The following TMEM196 variants were observed in gnomAD, a reference collection of about 807,000 sequenced individuals.
TMEM196 encodes the protein transmembrane protein 196.
In TMEM196, 17 loss-of-function variants were observed where a neutral mutation model predicts 20.0. The ratio of observed to expected loss-of-function variants is 0.85; its 90% CI spans 0.58 to 1.27. The LOEUF (loss-of-function observed/expected upper bound fraction) is 1.27, where lower values mean the gene tolerates loss of function less well. Among genes scored for constraint, TMEM196 ranks in the 50% most tolerant of loss-of-function variants. The pLI, the probability that TMEM196 is intolerant of heterozygous loss-of-function variation, is 0.00. For synonymous variants in TMEM196, 113 were observed against 88.9 expected (o/e 1.27, Z -1.52); for missense variants, 267 against 223.0 (o/e 1.20, Z -1.26).
chr7:19,746,704 T>C (rs1416300442), intron 1 of TMEM196, among the ~76,000 whole-genome samples: 2 of 152,230 alleles, frequency 1.3e-5, no homozygotes, highest in East Asian at 1.9e-4. Flanking sequence ...CAGATAACTC[T>C]TTATGGTTTG....
intron 1 of TMEM196, 145 bp from the exon 2 acceptor site, chr7:19,729,583 A>T: frequency 1.4e-6 from 1 of 703,592 alleles, no homozygotes; most frequent in South Asian, 2.1e-5. Flanking sequence ...ATAAGATCTC[A>T]TTCTAGAATA....
chr7:19,759,247 A>C (rs61178120), intron 1 of TMEM196, among the ~76,000 whole-genome samples: 10,275 of 152,214 alleles, frequency 0.068, 950 homozygotes, highest in African/African-American at 0.2. Flanking sequence ...TTGCAAAAGC[A>C]AACAATGACA....
Position 19,721,868 on chromosome 7 carries a change from A to G in TMEM196, c.*260T>C, listed in dbSNP as rs1056990524. On this transcript the variant is annotated 3_prime_UTR_variant, in exon 5 of 5. Transcript: ENST00000405844. Reference sequence around the variant, plus strand: ...ACAATCTGGAAAGCCTCTTGAAATTATTGTACTAGAATGTTTCTGGAAAGT... The same window carrying G: ...ACAATCTGGAAAGCCTCTTGAAATTGTTGTACTAGAATGTTTCTGGAAAGT... 1 of 484,840 alleles carries G rather than the reference A, an allele frequency of 2.1e-6. No individual in the cohort carries two copies. Among genetic ancestry groups the G allele is most frequent in the Non-Finnish European group, 3.6e-6 (1 of 277,900 alleles). The allele number at this position is 484,840 out of a possible 1,614,324, so 30.0% of individuals were successfully genotyped here.
At chr7:19,759,910 C>A (rs1785368096) in intron 1 of TMEM196, among the ~76,000 whole-genome samples, 1 of 152,118 alleles carries the variant, frequency 6.6e-6, no homozygotes, top group Non-Finnish European at 1.5e-5. Flanking sequence ...CCTAATTACA[C>A]CTGTGACTTC....
At chr7:19,742,371 G>A (rs926253800) in intron 1 of TMEM196, among the ~76,000 whole-genome samples, 5 of 151,982 alleles carry the variant, frequency 3.3e-5, no homozygotes, top group South Asian at 2.1e-4. Flanking sequence ...TGTCCTTTCC[G>A]AGGAAAAAGA....
intron 1 of TMEM196, among the ~76,000 whole-genome samples, chr7:19,746,034 C>T (rs190749293): frequency 6.6e-6 from 1 of 152,206 alleles, no homozygotes; most frequent in East Asian, 1.9e-4. Flanking sequence ...GCAGGACATG[C>T]ACATTCATAG....
At chr7:19,769,098 T>C (rs1785755930) in intron 1 of TMEM196, among the ~76,000 whole-genome samples, 1 of 152,136 alleles carries the variant, frequency 6.6e-6, no homozygotes, top group Non-Finnish European at 1.5e-5. Context: ...CTTATAGTAA[T>C]GATATTAATG....
chr7:19,745,783 C>G (rs947139662), intron 1 of TMEM196, among the ~76,000 whole-genome samples: 1 of 149,246 alleles, frequency 6.7e-6, no homozygotes, highest in African/African-American at 2.5e-5. Flanking sequence ...GGACATCAAA[C>G]CTTAGGAGAC....
At chr7:19,760,130 C>T (rs369932332) in intron 1 of TMEM196, among the ~76,000 whole-genome samples, 4 of 152,198 alleles carry the variant, frequency 2.6e-5, no homozygotes, top group African/African-American at 7.2e-5. Context: ...GGTCATACTT[C>T]AGTCACCCTG....
intron 1 of TMEM196, among the ~76,000 whole-genome samples, chr7:19,768,173 A>C (rs565964930): frequency 6.6e-6 from 1 of 152,156 alleles, no homozygotes; most frequent in Non-Finnish European, 1.5e-5. Flanking sequence ...ACCTGTAAAC[A>C]TTAAATGATT....
At position 19,743,104 on chromosome 7, in the gene TMEM196, T is replaced by C. The variant is rs902350224; in HGVS notation, c.148-13666A>G. Among the ~76,000 whole-genome samples, 10 of 152,162 alleles carry C rather than the reference T, an allele frequency of 6.6e-5. No homozygotes were observed. In the South Asian group the frequency reaches 1.7e-3, roughly 25 times the overall value. Reference sequence around the variant, plus strand: ...TGGGAAGTTTTGTGTAGTTTGTCTTTGAGAGGCTCATTTCCCCCATCAAAG... The same window carrying C: ...TGGGAAGTTTTGTGTAGTTTGTCTTCGAGAGGCTCATTTCCCCCATCAAAG... On this transcript the variant is annotated intron_variant, in intron 1 of 4. Coordinates refer to ENST00000405844, the MANE Select transcript of TMEM196 (RefSeq NM_001363562.2).
At chr7:19,740,695 A>G (rs1784552806) in intron 1 of TMEM196, among the ~76,000 whole-genome samples, 1 of 152,078 alleles carries the variant, frequency 6.6e-6, no homozygotes, top group Non-Finnish European at 1.5e-5. Context: ...GAGCTCTGCT[A>G]GCGTTTTTTC....
At chr7:19,762,504 A>G (rs528380954) in intron 1 of TMEM196, among the ~76,000 whole-genome samples, 2 of 152,242 alleles carry the variant, frequency 1.3e-5, no homozygotes, top group East Asian at 1.9e-4. Context: ...TAACAATTTA[A>G]TAAGTGTATT....
intron 1 of TMEM196, among the ~76,000 whole-genome samples, chr7:19,730,315 C>G (rs60843892): frequency 6.6e-6 from 1 of 151,516 alleles, no homozygotes; most frequent in African/African-American, 2.4e-5. Flanking sequence ...CATATTATTT[C>G]TTGTAAATAA....
rs774212899 is a variant in TMEM196, at chr7:19,722,070, A to G, written c.*58T>C. 3 of 1,607,968 alleles carry G rather than the reference A, an allele frequency of 1.9e-6. No homozygotes were observed. The highest frequency in any genetic ancestry group is 2.5e-6 in the Non-Finnish European group (3 of 1,176,758). On this transcript the variant is annotated 3_prime_UTR_variant, in exon 5 of 5. Transcript: ENST00000405844. ...TAAAAAGTGTTCAATTCTTTAAAAC[A>G]TTGATTACACTCTTCCATTAAATAT...
At position 19,741,280 on chromosome 7, in the gene TMEM196, G is replaced by A. The variant is rs534852161; in HGVS notation, c.148-11842C>T. 3.4e-4 allele frequency among the ~76,000 whole-genome samples: 52 copies of A among 152,214 alleles called. 2 individuals carry two copies. The South Asian group carries it at 0.011, about 31-fold the overall frequency. ...ACAGATCATCTACTTGTTATATCCA[G>A]CTTTGCCATAGCCTCTCTGACAAAG... On this transcript the variant is annotated intron_variant, in intron 1 of 4. Transcript: ENST00000405844.
chr7:19,730,673 T>C (rs1221430438), intron 1 of TMEM196, among the ~76,000 whole-genome samples: 3 of 152,166 alleles, frequency 2.0e-5, no homozygotes, highest in Admixed American at 6.5e-5. Flanking sequence ...TATTTCCAAA[T>C]ACATATCAAA....
At chr7:19,753,742 A>T (rs918585765) in intron 1 of TMEM196, among the ~76,000 whole-genome samples, 2 of 152,164 alleles carry the variant, frequency 1.3e-5, no homozygotes, top group Non-Finnish European at 2.9e-5. Context: ...CTATAGTCTA[A>T]TACTCAGGTT....
chr7:19,754,071 A>G (rs746105592), intron 1 of TMEM196, among the ~76,000 whole-genome samples: 10 of 152,236 alleles, frequency 6.6e-5, no homozygotes, highest in Non-Finnish European at 8.8e-5. Context: ...GTGATAAGGA[A>G]TGACTACTCT....
Sources: gnomAD v4.1 joint callset for allele counts (sites outside exome capture counted in the v4.1 genomes callset) on GRCh38, gnomAD v4.1.1 for gene constraint, MANE v1.5 for transcripts, NCBI Gene and HGNC (gene_info 2026-07-23, HGNC 2026-07-21) for gene names.